The following GPATCH3 variants were observed in gnomAD, a reference collection of about 807,000 sequenced individuals.
The protein encoded by GPATCH3 is G-patch domain containing 3, also known as G patch domain-containing protein 3.
Under a neutral mutation model 53.2 loss-of-function variants are expected in GPATCH3, and 45 were observed. That is an observed-to-expected ratio of 0.85 (90% CI 0.67 to 1.08). GPATCH3 has a LOEUF of 1.08. GPATCH3 is among the 50% of genes least tolerant of loss of function. The pLI, the probability that GPATCH3 is intolerant of heterozygous loss-of-function variation, is 0.00. For missense variants in GPATCH3, 680 were observed against 687.2 expected, an observed-to-expected ratio of 0.99 and a Z score of 0.12; for synonymous variants, 280 against 270.6, an observed-to-expected ratio of 1.03 and a Z score of -0.34.
Position 26,900,094 on chromosome 1 carries a change from G to C in GPATCH3, c.349C>G (p.Leu117Val), listed in dbSNP as rs560330734. The C allele has an allele frequency of 6.2e-6, 10 of 1,614,076 alleles. No homozygotes were observed. In the Admixed American group the frequency reaches 1.2e-4, roughly 19 times the overall value. ...CGGCGGCCCGAGTACATGCGAATAA[G>C]CCTCTGAGCTTGAGCCAACCCCCTT... ...SVRGLAQAQR[L>V]IRMYSGRRWL... The change falls in exon 1 of 7, where the codon CTT (leucine) becomes GTT (valine). Residue 117 changes from leucine to valine, a missense_variant. Leu to Val is a conservative substitution (Grantham distance 32). Coordinates refer to ENST00000361720, the MANE Select transcript of GPATCH3 (RefSeq NM_022078.3).
chr1:26,893,550 T>TC (rs2081938076), intron 3 of GPATCH3, 102 bp from the exon 4 acceptor site: 2 of 791,800 alleles, frequency 2.5e-6, no homozygotes, highest in Non-Finnish European at 4.1e-6. Context: ...TTTTTTTTTT[T>TC]GAGACAGAAT....
At chr1:26,896,895 G>A (rs1350754242) in intron 2 of GPATCH3, among the ~76,000 whole-genome samples, 2 of 150,982 alleles carry the variant, frequency 1.3e-5, no homozygotes, top group Non-Finnish European at 2.9e-5. Flanking sequence ...GGTGGTGGCC[G>A]CCTGTAGTCC....
Position 26,897,542 on chromosome 1 carries a change from G to A in GPATCH3, c.635C>T (p.Pro212Leu), listed in dbSNP as rs1166621092. The part of the protein sequence containing the change: ...FLELIRACRL[P>L]PRIITQLQLQ... ...CTGCAGCTGGGTGATGATCCGAGGG[G>A]GTAGGCGGCAGGCCCGGATCAACTC... Residue 212 changes from proline (P) to leucine (L), a missense_variant, in exon 2 of 7, where the codon CCC (proline) becomes CTC (leucine). Physicochemically the swap from Pro to Leu is moderately conservative, Grantham distance 98. Coordinates refer to ENST00000361720, the MANE Select transcript of GPATCH3 (RefSeq NM_022078.3). 1.2e-6 allele frequency: 2 copies of A among 1,614,214 alleles called. No individual in the cohort carries two copies. The highest frequency in any genetic ancestry group is 1.7e-6 in the Non-Finnish European group (2 of 1,180,050).
intron 4 of GPATCH3, 138 bp downstream of exon 4, chr1:26,893,251 A>C (rs1164298545): frequency 2.6e-6 from 2 of 756,130 alleles, no homozygotes; most frequent in Non-Finnish European, 4.9e-6. Context: ...AAGATGTTTT[A>C]AGAGGAACCC....
Position 26,894,223 on chromosome 1 carries a change from G to T in GPATCH3, c.1051+13C>A. ...AGGGGTCACCCCTGCCTTTGCCTGG[G>T]TACCAGCATTACCTCCTTCTTCCTC... On this transcript the variant is annotated intron_variant, in intron 3 of 6. Coordinates refer to ENST00000361720, the MANE Select transcript of GPATCH3 (RefSeq NM_022078.3). The T allele has an allele frequency of 6.2e-7, 1 of 1,612,532 alleles. No homozygotes were observed. The highest frequency in any genetic ancestry group is 8.5e-7 in the Non-Finnish European group (1 of 1,179,062).
chr1:26,893,892 C>T (rs367815868), intron 3 of GPATCH3, among the ~76,000 whole-genome samples: 1 of 152,136 alleles, frequency 6.6e-6, no homozygotes, highest in African/African-American at 2.4e-5. Context: ...TCATAGCTCA[C>T]TGCAACCTTG....
Position 26,897,824 on chromosome 1 carries a change from T to C in GPATCH3, c.452-99A>G, listed in dbSNP as rs912104001. Reference sequence around the variant, plus strand: ...TTTAAATCTGTTAGCCTTTCCCTAGTAAACATCTAGTAAATCCCTAGTAAA... The same window carrying C: ...TTTAAATCTGTTAGCCTTTCCCTAGCAAACATCTAGTAAATCCCTAGTAAA... On this transcript the variant is annotated intron_variant, in intron 1 of 6. Transcript: ENST00000361720. 4 of 953,998 alleles carry C rather than the reference T, an allele frequency of 4.2e-6. No homozygotes were observed. In the Admixed American group the frequency reaches 1.2e-4, roughly 27 times the overall value. 59.1% of individuals were successfully genotyped at this position (953,998 alleles called of 1,614,324 possible).
At chr1:26,898,833 AT>A (rs2081962296) in intron 1 of GPATCH3, among the ~76,000 whole-genome samples, 2 of 151,662 alleles carry the variant, frequency 1.3e-5, no homozygotes, top group East Asian at 3.9e-4. Flanking sequence ...CAACCGGCTA[AT>A]TTGTATTTTT....
At chr1:26,897,021 CAAAA>C (rs5773170) in intron 2 of GPATCH3, among the ~76,000 whole-genome samples, 1 of 98,354 alleles carries the variant, frequency 1.0e-5, no homozygotes. Flanking sequence ...GACTCCGTCT[CAAAA>C]AAAAAAAAAA....
chr1:26,896,709 A>AG (rs1407205363), intron 2 of GPATCH3, among the ~76,000 whole-genome samples: 14 of 147,818 alleles, frequency 9.5e-5, no homozygotes, highest in African/African-American at 3.2e-4. Flanking sequence ...TCAAAAAAAA[A>AG]AAGAAAAAAA....
chr1:26,896,334 C>T (rs1388938035), intron 2 of GPATCH3, among the ~76,000 whole-genome samples: 1 of 150,382 alleles, frequency 6.6e-6, no homozygotes, highest in Admixed American at 6.6e-5. Context: ...TTTTTCTCAG[C>T]TCACTGCAAC....
Position 26,900,463 on chromosome 1 carries a change from G to C in GPATCH3, c.-21C>G, listed in dbSNP as rs774940763. ...GCCATCTTGGATTGTCACATGATCA[G>C]CTAGAACCAAGTCTCGCGAGAACAC... On this transcript the variant is annotated 5_prime_UTR_variant, in exon 1 of 7. Transcript: ENST00000361720. 10 of 1,590,762 alleles carry C rather than the reference G, an allele frequency of 6.3e-6. No homozygotes were observed. The highest frequency in any genetic ancestry group is 3.4e-5 in the Admixed American group (2 of 58,416).
intron 1 of GPATCH3, 23 bp downstream of exon 1, chr1:26,899,969 T>G: frequency 6.2e-7 from 1 of 1,608,858 alleles, no homozygotes; most frequent in Non-Finnish European, 8.5e-7. Flanking sequence ...GTAGGCCCAG[T>G]CTATTAACTT....
intron 1 of GPATCH3, among the ~76,000 whole-genome samples, chr1:26,898,233 C>G (rs61054987): frequency 0.014 from 2,096 of 152,266 alleles, 46 homozygotes; most frequent in African/African-American, 0.048. Flanking sequence ...AGCGGAACTA[C>G]AGAACTACCT....
In GPATCH3 at chr1:26,890,709, T is replaced by C. The variant is rs1557658444; in HGVS notation, c.*301A>G. 1 of 559,186 alleles carries C rather than the reference T, an allele frequency of 1.8e-6. No homozygotes were observed. Among genetic ancestry groups the C allele is most frequent in the Non-Finnish European group, 3.4e-6 (1 of 290,698 alleles). The allele number at this position is 559,186 out of a possible 1,614,324, so 34.6% of individuals were successfully genotyped here. A position where few individuals can be genotyped will look rare whatever the true frequency, so the allele number is the denominator to read the frequency against. ...GAGTCCCCAAGGAAGGCTGTGCTGA[T>C]AGCCTCACTCAACCCAGCTTTTCAA... On this transcript the variant is annotated 3_prime_UTR_variant, in exon 7 of 7. Transcript: ENST00000361720.
Position 26,892,457 on chromosome 1 carries a change from C to T in GPATCH3, c.1315G>A (p.Ala439Thr), listed in dbSNP as rs1206470590. 1.9e-6 allele frequency: 3 copies of T among 1,613,876 alleles called. No homozygotes were observed. Among genetic ancestry groups the T allele is most frequent in the South Asian group, 1.1e-5 (1 of 91,084 alleles). The change falls in exon 6 of 7, where the codon GCC becomes ACC. Residue 439 changes from alanine to threonine, a missense_variant. Coordinates refer to ENST00000361720, the MANE Select transcript of GPATCH3 (RefSeq NM_022078.3). Reference protein sequence around the residue: ...LGCRCSGVPEALDSDGQHPRC... With the variant: ...LGCRCSGVPETLDSDGQHPRC... ...GGGTGTTGGCCATCACTATCCAGGG[C>T]CTCAGGCACCCCTGAGCACCTGCAG... is the stretch of plus-strand genomic sequence containing the variant.
At chr1:26,897,153 T>A (rs1247727392) in intron 2 of GPATCH3, 148 bp downstream of exon 2, 3 of 681,154 alleles carry the variant, frequency 4.4e-6, no homozygotes, top group African/African-American at 1.8e-5. Flanking sequence ...CATGCAAATA[T>A]AGTTTTACAT....
At chr1:26,893,229 T>C (rs1050354383) in intron 4 of GPATCH3, among the ~76,000 whole-genome samples, 160 bp downstream of exon 4, 1 of 152,206 alleles carries the variant, frequency 6.6e-6, no homozygotes, top group Non-Finnish European at 1.5e-5. Context: ...TAGCACTTAA[T>C]GTACACAACC....
chr1:26,897,430 C>T lies in GPATCH3; in HGVS notation c.747G>A (p.Glu249=), dbSNP rs1332855785. The T allele has an allele frequency of 1.2e-6, 2 of 1,614,230 alleles. No individual in the cohort carries two copies. Among genetic ancestry groups the T allele is most frequent in the Admixed American group, 1.7e-5 (1 of 60,024 alleles). The change falls in exon 2 of 7, where the codon GAG becomes GAA. Residue 249 remains glutamate, a synonymous_variant. Transcript: ENST00000361720. ...CTTCACCCTCTGCTGTATACACAAGCTCTTCCTGCTCCACAGTCTCTGAGT... is the reference window on the plus strand; with the variant it reads ...CTTCACCCTCTGCTGTATACACAAGTTCTTCCTGCTCCACAGTCTCTGAGT... ...YEDSETVEQE[E]LVYTAEGEEI... is the part of the protein sequence containing the mutation.
Sources: allele counts gnomAD v4.1 joint callset (sites outside exome capture counted in the v4.1 genomes callset), GRCh38; gene constraint gnomAD v4.1.1; transcripts MANE v1.5; gene names NCBI Gene and HGNC (gene_info 2026-07-23, HGNC 2026-07-21).